Variants in DENND5B observed in about 807,000 individuals in gnomAD.
DENND5B encodes the protein DENN domain containing 5B.
DENND5B carries 34 observed loss-of-function variants against 140.6 expected under a neutral mutation model. The ratio of observed to expected loss-of-function variants is 0.24; its 90% CI spans 0.18 to 0.32. The LOEUF (loss-of-function observed/expected upper bound fraction) is 0.32, where lower values mean the gene tolerates loss of function less well. Among genes scored for constraint, DENND5B ranks in the 10% least tolerant of loss-of-function variants. The pLI is 1.00. For missense variants in DENND5B, 1,142 were observed against 1,560.2 expected, an observed-to-expected ratio of 0.73 and a Z score of 4.52; for synonymous variants, 551 against 562.1, an observed-to-expected ratio of 0.98 and a Z score of 0.28.
At chr12:31,529,757 C>T (rs1948217770) in intron 1 of DENND5B, among the ~76,000 whole-genome samples, 1 of 151,682 alleles carries the variant, frequency 6.6e-6, no homozygotes, top group African/African-American at 2.4e-5. Flanking sequence ...AGAAAACATC[C>T]TTTAAAAAAT....
intron 6 of DENND5B, 118 bp from the exon 7 acceptor site, chr12:31,443,043 A>AG: frequency 1.4e-6 from 1 of 699,948 alleles, no homozygotes; most frequent in Non-Finnish European, 2.1e-6. Context: ...TGAAACAGAT[A>AG]TTGTGTGTGT....
At chr12:31,406,895 G>T (rs551255449) in intron 14 of DENND5B, among the ~76,000 whole-genome samples, 1 of 152,118 alleles carries the variant, frequency 6.6e-6, no homozygotes, top group East Asian at 1.9e-4. Context: ...TGCCTCCCGG[G>T]TTCAAGTGAT....
intron 6 of DENND5B, chr12:31,443,837 C>T (rs1254043162): frequency 6.6e-6 from 1 of 151,994 alleles, no homozygotes; most frequent in Non-Finnish European, 1.5e-5. Flanking sequence ...GGTAATACAG[C>T]AAAAAGTCAT....
In DENND5B at chr12:31,529,030, C is replaced by T. The variant is rs192302761; in HGVS notation, c.128-33111G>A. ...CACAAAAATTAGCTGGGTCTGGTGG[C>T]GGGTGCCTGTAATCCCAGCTACTCA... On this transcript the variant is annotated intron_variant, in intron 1 of 20. Transcript: ENST00000389082. Among the ~76,000 whole-genome samples, 34 of 151,708 alleles carry T rather than the reference C, an allele frequency of 2.2e-4. No individual in the cohort carries two copies. The East Asian group carries it at 4.1e-3, about 18-fold the overall frequency.
At chr12:31,450,637 G>A (rs947451243) in intron 5 of DENND5B, among the ~76,000 whole-genome samples, 1 of 152,018 alleles carries the variant, frequency 6.6e-6, no homozygotes, top group African/African-American at 2.4e-5. Flanking sequence ...TTACAAGTGT[G>A]AGCCACCATG....
chr12:31,451,619 G>A (rs545227652), intron 5 of DENND5B: 7 of 272,766 alleles, frequency 2.6e-5, no homozygotes, highest in South Asian at 3.9e-5. Flanking sequence ...CACCGTGCCC[G>A]GCCTGAGTTT....
chr12:31,528,434 A>G (rs924265877), intron 1 of DENND5B, among the ~76,000 whole-genome samples: 29 of 152,080 alleles, frequency 1.9e-4, no homozygotes. Flanking sequence ...ATCTGTAAAG[A>G]TATTTTTTTT....
chr12:31,492,340 AATG>A (rs1946561667), intron 2 of DENND5B, among the ~76,000 whole-genome samples: 1 of 152,214 alleles, frequency 6.6e-6, no homozygotes, highest in Admixed American at 6.5e-5. Context: ...AATTCATTCA[AATG>A]ATTAAAAGAA....
chr12:31,488,121 A>G (rs1426584493), intron 2 of DENND5B, among the ~76,000 whole-genome samples: 1 of 130,150 alleles, frequency 7.7e-6, no homozygotes, highest in Non-Finnish European at 1.6e-5. Flanking sequence ...ATAGGCGTGC[A>G]TACCCGGCTA....
At position 31,424,904 on chromosome 12, in the gene DENND5B, A is replaced by C. The variant is rs76657254; in HGVS notation, c.2239-217T>G. The stretch of plus-strand genomic sequence containing the variant: ...TTGTCAGAAAAATGGAGTGTGACTA[A>C]AGAGAATATAAGATAATATTTGTAA... On this transcript the variant is annotated intron_variant, in intron 9 of 20. Transcript: ENST00000389082. Among the ~76,000 whole-genome samples, 972 of 152,344 alleles carry C rather than the reference A, an allele frequency of 6.4e-3. 7 individuals are homozygous for C. Among genetic ancestry groups the C allele is most frequent in the African/African-American group, 0.023 (944 of 41,580 alleles).
At chr12:31,533,432 G>A (rs1211078812) in intron 1 of DENND5B, among the ~76,000 whole-genome samples, 1 of 152,006 alleles carries the variant, frequency 6.6e-6, no homozygotes, top group Non-Finnish European at 1.5e-5. Context: ...TATGCTTTTT[G>A]TCACTATCCA....
intron 3 of DENND5B, chr12:31,465,287 G>A (rs942181112): frequency 6.6e-6 from 1 of 152,396 alleles, no homozygotes; most frequent in Non-Finnish European, 1.5e-5. Context: ...ATGTGAAGCT[G>A]CTGGTGGTAT....
intron 1 of DENND5B, among the ~76,000 whole-genome samples, chr12:31,511,268 G>C (rs1372934943): frequency 2.6e-5 from 4 of 152,040 alleles, no homozygotes; most frequent in African/African-American, 4.8e-5. Context: ...ATTCAGAAGA[G>C]ACCTCCTGGG....
intron 11 of DENND5B, chr12:31,420,137 A>AT (rs1053542447): frequency 5.6e-6 from 5 of 886,700 alleles, no homozygotes; most frequent in African/African-American, 1.8e-5. Flanking sequence ...TATTATTATT[A>AT]TTTTTTGGAG....
At chr12:31,511,320 A>G (rs1947400921) in intron 1 of DENND5B, among the ~76,000 whole-genome samples, 1 of 152,188 alleles carries the variant, frequency 6.6e-6, no homozygotes, top group Non-Finnish European at 1.5e-5. Context: ...AGTTTCTTCC[A>G]TAACGCTACA....
chr12:31,389,283 C>T, intron 20 of DENND5B, 41 bp downstream of exon 20: 3 of 1,573,974 alleles, frequency 1.9e-6, no homozygotes, highest in Middle Eastern at 1.7e-4. Context: ...TCTAGTTCAA[C>T]ATGTGACAAA....
At chr12:31,478,600 G>A (rs1260447827) in intron 3 of DENND5B, among the ~76,000 whole-genome samples, 2 of 152,100 alleles carry the variant, frequency 1.3e-5, no homozygotes, top group Admixed American at 6.5e-5. Context: ...ACTCAGGAGG[G>A]TGAGGTGGGA....
chr12:31,399,730 C>T lies in DENND5B; in HGVS notation c.2992G>A (p.Asp998Asn). 1 of 1,613,922 alleles carries T rather than the reference C, an allele frequency of 6.2e-7. No homozygotes were observed. The highest frequency in any genetic ancestry group is 8.5e-7 in the Non-Finnish European group (1 of 1,179,908). The change falls in exon 16 of 21, where the codon GAT becomes AAT. Residue 998 changes from aspartate to asparagine, a missense_variant. Asp to Asn is a conservative substitution (Grantham distance 23). Around this residue, in one of 5 missense-constraint regions of DENND5B, gnomAD observed 268 missense variants for 349.2 expected, o/e 0.77. Coordinates refer to ENST00000389082, the MANE Select transcript of DENND5B (RefSeq NM_144973.4). ...CATTTGGCTAACAGTCCTGAGTTAT[C>T]GTGACCAATCTGAACAGTGGTCAGC... ...GKLTTVQIGH[D>N]NSGLLAKWLV...
intron 7 of DENND5B, 126 bp from the exon 8 acceptor site, chr12:31,433,374 G>A (rs775846445): frequency 2.4e-5 from 20 of 824,766 alleles, no homozygotes; most frequent in Non-Finnish European, 3.2e-5. Context: ...TAGCAGCTTT[G>A]TTAAAATATA....
Sources: gnomAD v4.1 joint callset for allele counts (sites outside exome capture counted in the v4.1 genomes callset) on GRCh38, gnomAD v4.1.1 for gene constraint, gnomAD v4.1.1 regional missense constraint, MANE v1.5 for transcripts, NCBI Gene and HGNC (gene_info 2026-07-23, HGNC 2026-07-21) for gene names.